The following BUB1B variants were observed in gnomAD, a reference collection of about 807,000 sequenced individuals.
BUB1B encodes the protein BUB1 mitotic checkpoint serine/threonine kinase B.
Under a neutral mutation model 137.7 loss-of-function variants are expected in BUB1B, and 86 were observed. That is an observed-to-expected ratio of 0.62 (90% confidence interval 0.52 to 0.75). The LOEUF (loss-of-function observed/expected upper bound fraction) is 0.75, where lower values mean the gene tolerates loss of function less well. Among genes scored for constraint, BUB1B ranks in the 30% least tolerant of loss-of-function variants. The pLI is 0.00. For synonymous variants in BUB1B, 420 were observed against 417.9 expected (o/e 1.00, Z -0.06); for missense variants, 1,130 against 1,236.9 (o/e 0.91, Z 1.30).
intron 22 of BUB1B, 64 bp downstream of exon 22, chr15:40,218,626 T>A: frequency 8.1e-7 from 1 of 1,229,894 alleles, no homozygotes; most frequent in Non-Finnish European, 1.2e-6. Context: ...TCTTGGGTGC[T>A]ATCTCTGCTT....
intron 4 of BUB1B, among the ~76,000 whole-genome samples, chr15:40,175,682 TC>T (rs1416813643): frequency 1.3e-5 from 2 of 152,198 alleles, no homozygotes; most frequent in East Asian, 3.8e-4. Flanking sequence ...ACTATGTCAT[TC>T]CTTTGCTTAT....
At chr15:40,189,078 T>G (rs1187568819) in intron 8 of BUB1B, among the ~76,000 whole-genome samples, 3 of 152,098 alleles carry the variant, frequency 2.0e-5, no homozygotes, top group Non-Finnish European at 4.4e-5. Flanking sequence ...AGCAACCAAC[T>G]GTTTTTTTCT....
intron 10 of BUB1B, chr15:40,200,003 A>G: frequency 3.4e-6 from 2 of 589,146 alleles, no homozygotes; most frequent in Non-Finnish European, 6.0e-6. Flanking sequence ...TATTCTAGCT[A>G]TGTTCCATTA....
chr15:40,215,697 A>C (rs1414465117), intron 20 of BUB1B, among the ~76,000 whole-genome samples: 1 of 152,154 alleles, frequency 6.6e-6, no homozygotes, highest in Non-Finnish European at 1.5e-5. Context: ...TGAACCCGGG[A>C]GGCAGAGCTT....
Position 40,164,702 on chromosome 15 carries a change from T to C in BUB1B, c.36-351T>C, listed in dbSNP as rs182444680. 2.6e-5 allele frequency among the ~76,000 whole-genome samples: 4 copies of C among 151,158 alleles called. No homozygotes were observed. The East Asian group carries it at 7.8e-4, about 29-fold the overall frequency. The stretch of plus-strand genomic sequence containing the variant: ...TTTAAAGAAAGAGGCAGGGTCTTGC[T>C]ATGTTGCCCAGGCTGGTATCAAACT... On this transcript the variant is annotated intron_variant, in intron 1 of 22. Transcript: ENST00000287598.
At chr15:40,188,582 CTTTT>C (rs773801578) in intron 8 of BUB1B, among the ~76,000 whole-genome samples, 1 of 121,726 alleles carries the variant, frequency 8.2e-6, no homozygotes, top group Non-Finnish European at 1.7e-5. Context: ...TTTAAGTTTT[CTTTT>C]TTTTTTTTTT....
In BUB1B at chr15:40,185,610, A is replaced by G. The variant is rs1454737790; in HGVS notation, c.1026A>G (p.Pro342=). 3 of 1,614,140 alleles carry G rather than the reference A, an allele frequency of 1.9e-6. No individual in the cohort carries two copies. The highest frequency in any genetic ancestry group is 1.1e-5 in the South Asian group (1 of 91,086). Residue 342 remains proline, a synonymous_variant, in exon 8 of 23, where the codon CCA becomes CCG. Transcript: ENST00000287598. ...CCGCTGTGCTTCCCAGTTTCACTCC[A>G]TATGTGGAAGAGACTGCACGACAGC... The part of the protein sequence containing the change: ...AVPAVLPSFT[P]YVEETARQPV...
chr15:40,202,683 C>T lies in BUB1B; in HGVS notation c.1723C>T (p.Pro575Ser). 5 of 1,612,866 alleles carry T rather than the reference C, an allele frequency of 3.1e-6. No individual in the cohort carries two copies. The highest frequency in any genetic ancestry group is 4.2e-6 in the Non-Finnish European group (5 of 1,178,900). The change falls in exon 14 of 23, where the codon CCA becomes TCA. Residue 575 changes from proline to serine, a missense_variant. Pro to Ser is a moderately conservative substitution (Grantham distance 74, BLOSUM62 -1). Coordinates refer to ENST00000287598, the MANE Select transcript of BUB1B (RefSeq NM_001211.6). ...ESITSNEDVS[P>S]DVCDEFTGIE... ...CATCACCTCAAATGAAGATGTGTCT[C>T]CAGATGTTTGTGTAAGGAGCAGTAT... is the stretch of plus-strand genomic sequence containing the variant.
rs191822765 is a variant in BUB1B at position 40,170,736 on chromosome 15, T to C, written c.384+55T>C. The stretch of plus-strand genomic sequence containing the variant: ...TTAAATATTAAACTAAGAGATTTTC[T>C]CTAGAGGTATCTGGTATACCAAAAA... On this transcript the variant is annotated intron_variant, in intron 4 of 22. Coordinates refer to ENST00000287598, the MANE Select transcript of BUB1B (RefSeq NM_001211.6). 492 of 1,574,146 alleles carry C rather than the reference T, an allele frequency of 3.1e-4. 1 individual carries two copies. The African/African-American group carries it at 6.2e-3, about 20-fold the overall frequency.
intron 2 of BUB1B, among the ~76,000 whole-genome samples, chr15:40,168,560 G>T (rs1001890147): frequency 6.6e-6 from 1 of 152,044 alleles, no homozygotes; most frequent in Non-Finnish European, 1.5e-5. Context: ...TCATAACTGT[G>T]GTCCCTTCTT....
chr15:40,183,602 G>A, intron 5 of BUB1B, 112 bp from the exon 6 acceptor site: 1 of 914,312 alleles, frequency 1.1e-6, no homozygotes, highest in Non-Finnish European at 1.8e-6. Context: ...GGATATTTCT[G>A]CATTCTTCCC....
rs2037502475 is a variant in BUB1B at position 40,196,705 on chromosome 15, G to A, written c.1219G>A (p.Val407Ile). ...TTGTAAGGAGAAGATTTATGCAGGAGTAGGGGAATTCTCCTTTGAAGAAAT... is the reference window on the plus strand; with the variant it reads ...TTGTAAGGAGAAGATTTATGCAGGAATAGGGGAATTCTCCTTTGAAGAAAT... ...MYCKEKIYAG[V>I]GEFSFEEIRA... Residue 407 changes from valine (V) to isoleucine (I), a missense_variant, in exon 9 of 23, where the codon GTA becomes ATA. Val to Ile is a conservative substitution (Grantham distance 29, BLOSUM62 3). Transcript: ENST00000287598. The A allele has an allele frequency of 6.2e-7, 1 of 1,613,938 alleles. No individual in the cohort carries two copies. The highest frequency in any genetic ancestry group is 1.1e-5 in the South Asian group (1 of 91,078).
At chr15:40,205,251 A>AT (rs899991548) in intron 14 of BUB1B, among the ~76,000 whole-genome samples, 46 of 150,292 alleles carry the variant, frequency 3.1e-4, no homozygotes, top group Admixed American at 4.6e-4. Flanking sequence ...CCGGCCTATA[A>AT]TTTTTTTTTT....
At chr15:40,192,760 G>A (rs575811164) in intron 8 of BUB1B, among the ~76,000 whole-genome samples, 3 of 152,330 alleles carry the variant, frequency 2.0e-5, no homozygotes, top group African/African-American at 7.2e-5. Context: ...TTGTATAGAT[G>A]TGCCACGATT....
At chr15:40,183,294 C>T (rs1595518514) in intron 5 of BUB1B, among the ~76,000 whole-genome samples, 1 of 152,218 alleles carries the variant, frequency 6.6e-6, no homozygotes, top group East Asian at 1.9e-4. Context: ...CACGTGCGCG[C>T]ATGCATGTGT....
At chr15:40,161,361 G>C in intron 1 of BUB1B, 106 bp downstream of exon 1, 1 of 1,299,204 alleles carries the variant, frequency 7.7e-7, no homozygotes, top group Middle Eastern at 2.5e-4. Flanking sequence ...GGCACCGTCA[G>C]AACAGACCCC....
chr15:40,177,842 G>T (rs1180990486), intron 5 of BUB1B, among the ~76,000 whole-genome samples: 10 of 150,242 alleles, frequency 6.7e-5, no homozygotes, highest in Admixed American at 6.6e-5. Flanking sequence ...TCAAGGAATT[G>T]ATCCATTCAT....
chr15:40,175,712 C>T lies in BUB1B; in HGVS notation c.385-765C>T, dbSNP rs550284071. Among the ~76,000 whole-genome samples, 209 of 152,314 alleles carry T rather than the reference C, an allele frequency of 1.4e-3. 1 individual carries two copies. Among genetic ancestry groups the T allele is most frequent in the African/African-American group, 4.9e-3 (205 of 41,566 alleles). On this transcript the variant is annotated intron_variant, in intron 4 of 22. Transcript: ENST00000287598. The stretch of plus-strand genomic sequence containing the variant: ...TGCTTATCGCTCACCCACCCTAACA[C>T]ATACAACAATTACTATTAGGCAGAT...
chr15:40,215,837 T>G (rs963559906), intron 20 of BUB1B, among the ~76,000 whole-genome samples: 1 of 152,082 alleles, frequency 6.6e-6, no homozygotes, highest in African/African-American at 2.4e-5. Context: ...CCCAGCACTT[T>G]GGGAGGCAGA....
Sources: gnomAD v4.1 joint callset for allele counts (sites outside exome capture counted in the v4.1 genomes callset) on GRCh38, gnomAD v4.1.1 for gene constraint, MANE v1.5 for transcripts, NCBI Gene and HGNC (gene_info 2026-07-23, HGNC 2026-07-21) for gene names.